The following FMN1 variants were observed in gnomAD, a reference collection of about 807,000 sequenced individuals.
The protein encoded by FMN1 is formin 1.
A neutral mutation model predicts 132.4 loss-of-function variants in FMN1; 110 were observed. The ratio of observed to expected loss-of-function variants is 0.83; its 90% CI spans 0.71 to 0.97. FMN1 has a LOEUF of 0.97. FMN1 is among the 50% of genes least tolerant of loss of function. FMN1 has a pLI of 0.00. For synonymous variants in FMN1, 722 were observed against 651.7 expected (o/e 1.11, Z -1.64); for missense variants, 1,792 against 1,705.3 (o/e 1.05, Z -0.90).
At position 33,024,071 on chromosome 15, in the gene FMN1, C is replaced by A. The variant is rs116422586; in HGVS notation, c.2162-15996G>T. Among the ~76,000 whole-genome samples the A allele has an allele frequency of 8.7e-3, 1,316 of 151,886 alleles. 23 individuals are homozygous for A. The highest frequency in any genetic ancestry group is 0.03 in the African/African-American group (1,256 of 41,396). On this transcript the variant is annotated intron_variant, in intron 6 of 20. Coordinates refer to ENST00000616417, the MANE Select transcript of FMN1 (RefSeq NM_001277313.2). ...TATAAATAAATAAAAAGGATAGCAA[C>A]CATTAGAAAAATGAACAAAAGGACA...
intron 19 of FMN1, among the ~76,000 whole-genome samples, chr15:32,789,633 T>A (rs2057000208): frequency 6.6e-6 from 1 of 152,184 alleles, no homozygotes; most frequent in Non-Finnish European, 1.5e-5. Flanking sequence ...AGCCTAAATG[T>A]ACAGTGTTTA....
chr15:32,883,509 CAAAAAAAAAAAAAAAAAAA>C (rs60737133), intron 16 of FMN1, among the ~76,000 whole-genome samples: 2 of 25,910 alleles, frequency 7.7e-5, no homozygotes, highest in Non-Finnish European at 7.4e-5. Context: ...GAACCTATCT[CAAAAAAAAAAAAAAAAAAA>C]AAAAAAAAAA....
chr15:32,927,944 T>C (rs1167006026), intron 9 of FMN1, among the ~76,000 whole-genome samples: 1 of 152,216 alleles, frequency 6.6e-6, no homozygotes, highest in Non-Finnish European at 1.5e-5. Context: ...GTAACAAACA[T>C]CTACATTTGT....
intron 16 of FMN1, among the ~76,000 whole-genome samples, chr15:32,865,144 A>C (rs1351152202): frequency 6.6e-6 from 1 of 152,176 alleles, no homozygotes; most frequent in Non-Finnish European, 1.5e-5. Flanking sequence ...GGGGTAAGGG[A>C]GAAAAGTTTT....
At chr15:32,998,444 T>C (rs1379553651) in intron 7 of FMN1, among the ~76,000 whole-genome samples, 1 of 152,208 alleles carries the variant, frequency 6.6e-6, no homozygotes, top group Non-Finnish European at 1.5e-5. Context: ...GATAGAACTT[T>C]GAAGCTAGAA....
intron 4 of FMN1, among the ~76,000 whole-genome samples, chr15:33,092,113 G>T (rs577386991): frequency 6.6e-6 from 1 of 152,332 alleles, no homozygotes; most frequent in East Asian, 1.9e-4. Flanking sequence ...CACAGTCACA[G>T]TAAAGGTAGG....
chr15:33,089,009 G>A (rs1300802088), intron 4 of FMN1, 35 bp from the exon 5 acceptor site: 2 of 1,499,374 alleles, frequency 1.3e-6, no homozygotes, highest in South Asian at 1.3e-5. Context: ...CAGTGACATG[G>A]CAGCCAAATA....
Position 33,153,299 on chromosome 15 carries a change from C to T in FMN1, c.1616G>A (p.Arg539Gln), listed in dbSNP as rs933355111. 16 of 1,536,152 alleles carry T rather than the reference C, an allele frequency of 1.0e-5. No homozygotes were observed. Among genetic ancestry groups the T allele is most frequent in the East Asian group, 4.9e-5 (2 of 40,916 alleles). The part of the protein sequence containing the change: ...PSPQQHHRIL[R>Q]LPALPGEREA... ...CCTCTCACCAGGCAATGCAGGGAGCCGGAGGATCCTGTGATGCTGCTGAGG... is the reference window on the plus strand; with the variant it reads ...CCTCTCACCAGGCAATGCAGGGAGCTGGAGGATCCTGTGATGCTGCTGAGG... The change falls in exon 4 of 21, where the codon CGG becomes CAG. Residue 539 changes from arginine to glutamine, a missense_variant. This residue lies in a region of FMN1 where 1,150 missense variants were observed against 1,043.1 expected (regional missense o/e 1.10). Coordinates refer to ENST00000616417, the MANE Select transcript of FMN1 (RefSeq NM_001277313.2).
At chr15:32,786,776 G>A (rs2056893634) in intron 19 of FMN1, among the ~76,000 whole-genome samples, 1 of 152,190 alleles carries the variant, frequency 6.6e-6, no homozygotes, top group South Asian at 2.1e-4. Flanking sequence ...TTTTAAATAT[G>A]CTTTCAGAGG....
Position 32,968,993 on chromosome 15 carries a change from A to G in FMN1, c.2708T>C (p.Leu903Pro), listed in dbSNP as rs1357226955. ...PMPPVSAGPPLPPPPPPPPPL... is the reference protein window; with the variant it reads ...PMPPVSAGPPPPPPPPPPPPL... ...TGGCGGTGGAGGAGGCGGAGGTGGT[A>G]GCGGTGGCCCAGCACTCACAGGTGG... Residue 903 changes from leucine to proline, a missense_variant, in exon 8 of 21, where the codon CTA (leucine) becomes CCA (proline). Leu to Pro is a moderately conservative substitution (Grantham distance 98). Coordinates refer to ENST00000616417, the MANE Select transcript of FMN1 (RefSeq NM_001277313.2). 3.7e-6 allele frequency: 4 copies of G among 1,090,690 alleles called. No homozygotes were observed. Among genetic ancestry groups the G allele is most frequent in the Non-Finnish European group, 5.3e-6 (4 of 754,580 alleles). The allele number at this position is 1,090,690 out of a possible 1,614,324, so 67.6% of individuals were successfully genotyped here. A position where few individuals can be genotyped will look rare whatever the true frequency, so the allele number is the denominator to read the frequency against.
rs1411279526 is a variant in FMN1 at position 32,773,105 on chromosome 15, A to AC, written c.*1204_*1205insG. The AC allele has an allele frequency of 6.6e-6, 1 of 152,258 alleles. No homozygotes were observed. The highest frequency in any genetic ancestry group is 2.4e-5 in the African/African-American group (1 of 41,470). 9.4% of individuals were successfully genotyped at this position (152,258 alleles called of 1,614,324 possible). A position where few individuals can be genotyped will look rare whatever the true frequency, so the allele number is the denominator to read the frequency against. On this transcript the variant is annotated 3_prime_UTR_variant, in exon 21 of 21. Coordinates refer to ENST00000616417, the MANE Select transcript of FMN1 (RefSeq NM_001277313.2). ...GACGTGGCTTAAAGACAAAAGTGTC[A>AC]GAGAGGTCAAAGGTGGTTTCCTTAT... is the stretch of plus-strand genomic sequence containing the variant.
chr15:33,159,158 G>A (rs1964793379), intron 3 of FMN1, among the ~76,000 whole-genome samples: 1 of 152,092 alleles, frequency 6.6e-6, no homozygotes, highest in Non-Finnish European at 1.5e-5. Flanking sequence ...CTCCAGCGTG[G>A]GTGAAAGAGT....
chr15:32,978,359 C>T (rs1396280167), intron 7 of FMN1, among the ~76,000 whole-genome samples: 1 of 152,152 alleles, frequency 6.6e-6, no homozygotes, highest in African/African-American at 2.4e-5. Flanking sequence ...CATTATTACT[C>T]ATCGGGGAAC....
chr15:33,061,253 G>A (rs1423817973), intron 6 of FMN1, among the ~76,000 whole-genome samples: 1 of 152,198 alleles, frequency 6.6e-6, no homozygotes, highest in Non-Finnish European at 1.5e-5. Context: ...GTCAAGCCCT[G>A]TCCCTGGGGA....
chr15:32,985,103 A>C (rs199702066), intron 7 of FMN1, among the ~76,000 whole-genome samples: 2 of 151,954 alleles, frequency 1.3e-5, no homozygotes, highest in African/African-American at 4.8e-5. Context: ...GTTACTTATT[A>C]TCTTTTTATC....
chr15:33,124,502 T>C (rs985493904), intron 4 of FMN1, among the ~76,000 whole-genome samples: 1 of 151,640 alleles, frequency 6.6e-6, no homozygotes, highest in Admixed American at 6.6e-5. Context: ...GACTGAGCAT[T>C]GGGATTGCTT....
intron 8 of FMN1, among the ~76,000 whole-genome samples, chr15:32,968,273 C>G (rs115691773): frequency 1.5e-3 from 230 of 152,254 alleles, no homozygotes; most frequent in Middle Eastern, 6.8e-3. Flanking sequence ...ACACCCATTT[C>G]TGTTAAATAT....
At position 33,008,008 on chromosome 15, in the gene FMN1, G is replaced by A; in HGVS notation, c.2223+6C>T. 1 of 1,596,164 alleles carries A rather than the reference G, an allele frequency of 6.3e-7. No homozygotes were observed. Among genetic ancestry groups the A allele is most frequent in the Non-Finnish European group, 8.5e-7 (1 of 1,169,748 alleles). ...GAACCCGTTCAGTAGCATCAAAGAG[G>A]CATACCTGCAGGTTTTCAATTTCTT... is the stretch of plus-strand genomic sequence containing the variant. On this transcript the variant is annotated splice_donor_region_variant and intron_variant, in intron 7 of 20. Coordinates refer to ENST00000616417, the MANE Select transcript of FMN1 (RefSeq NM_001277313.2).
intron 9 of FMN1, among the ~76,000 whole-genome samples, chr15:32,947,971 TTAAA>T (rs1567445347): frequency 1.3e-5 from 2 of 152,012 alleles, no homozygotes; most frequent in African/African-American, 2.4e-5. Flanking sequence ...CTTGCTTAGA[TTAAA>T]TAAAGGATGT....
Sources: gnomAD v4.1 joint callset for allele counts (sites outside exome capture counted in the v4.1 genomes callset) on GRCh38, gnomAD v4.1.1 for gene constraint, gnomAD v4.1.1 regional missense constraint, MANE v1.5 for transcripts, NCBI Gene and HGNC (gene_info 2026-07-23, HGNC 2026-07-21) for gene names.